The following AK7 variants were observed in gnomAD, a reference collection of about 807,000 sequenced individuals.
The protein encoded by AK7 is adenylate kinase 7, also known as ATP-AMP transphosphorylase 7.
A neutral mutation model predicts 96.6 loss-of-function variants in AK7; 78 were observed. The observed-to-expected ratio is 0.81, with a 90% CI of 0.67 to 0.97. The LOEUF is 0.97. Ranked by LOEUF, AK7 falls within the 50% of genes least tolerant of loss-of-function variation. AK7 has a pLI of 0.00. For missense variants in AK7, 855 were observed against 887.9 expected (o/e 0.96, Z 0.47); for synonymous variants, 302 against 317.2 (o/e 0.95, Z 0.51).
chr14:96,407,878 C>T (rs536570073), intron 3 of AK7, among the ~76,000 whole-genome samples: 2 of 152,136 alleles, frequency 1.3e-5, no homozygotes, highest in East Asian at 3.9e-4. Context: ...CACGCCCGGC[C>T]GATATGTTTC....
chr14:96,425,478 T>A (rs1595397251), intron 5 of AK7, among the ~76,000 whole-genome samples: 1 of 104,036 alleles, frequency 9.6e-6, no homozygotes, highest in East Asian at 3.0e-4. Context: ...TGAGTCACAC[T>A]GATTTTTTTT....
intron 2 of AK7, among the ~76,000 whole-genome samples, chr14:96,401,565 A>G (rs10873471): frequency 0.15 from 22,961 of 152,202 alleles, 2,407 homozygotes; most frequent in East Asian, 0.47. Flanking sequence ...GAGAAAGAGC[A>G]TGGGTTATGG....
chr14:96,478,678 A>AAGGATAATG lies in AK7; in HGVS notation c.1753+17_1753+25dup, dbSNP rs769371698. 2.5e-6 allele frequency: 4 copies of AAGGATAATG among 1,612,004 alleles called. No homozygotes were observed. In the Admixed American group the frequency reaches 6.7e-5, roughly 27 times the overall value. ...ATACATATTGGTATGAAATGAATTC[A>AAGGATAATG]AGGATAATGTGAATGTCCAGGACCC... On this transcript the variant is annotated intron_variant, in intron 15 of 17. Coordinates refer to ENST00000267584, the MANE Select transcript of AK7 (RefSeq NM_152327.5).
chr14:96,468,528 A>G (rs1470740353), intron 12 of AK7, among the ~76,000 whole-genome samples: 1 of 150,514 alleles, frequency 6.6e-6, no homozygotes, highest in Non-Finnish European at 1.5e-5. Flanking sequence ...CAATCTTCTG[A>G]CCTCGTGATC....
Position 96,486,938 on chromosome 14 carries a change from T to G in AK7, c.2015T>G (p.Leu672Ter). 1 of 1,614,022 alleles carries G rather than the reference T, an allele frequency of 6.2e-7. No individual in the cohort carries two copies. Among genetic ancestry groups the G allele is most frequent in the Non-Finnish European group, 8.5e-7 (1 of 1,179,906 alleles). Residue 672 changes from leucine (L) to a stop codon, truncating the protein, a stop_gained, in exon 17 of 18, where the codon TTA becomes TGA. Transcript: ENST00000267584. LOFTEE classifies it high-confidence loss of function. ...GAAGTGAAAAGAGAAGAAAGAGAAT[T>G]ACTGGAGGCTCAGTCAATTCCCCTG... ...LEEVKREERE[L>*]LEAQSIPLRN...
intron 4 of AK7, among the ~76,000 whole-genome samples, chr14:96,411,888 A>G (rs143819438): frequency 1.3e-3 from 202 of 152,318 alleles, no homozygotes; most frequent in African/African-American, 4.5e-3. Context: ...GACATACACA[A>G]TGTCTTACAA....
chr14:96,446,114 A>G (rs985825307), intron 7 of AK7, among the ~76,000 whole-genome samples: 3 of 152,102 alleles, frequency 2.0e-5, no homozygotes, highest in Admixed American at 1.3e-4. Flanking sequence ...ACCTCCCTAA[A>G]GCATTGTTGT....
Position 96,488,320 on chromosome 14 carries a change from A to C in AK7, c.2149A>C (p.Lys717Gln), listed in dbSNP as rs1355352929. ...PVDFLAEYLF[K>Q]NNPEAQ is the part of the protein sequence containing the mutation. The stretch of plus-strand genomic sequence containing the variant: ...TAAATTGTAGGCAGAATATCTCTTC[A>C]AGAACAATCCTGAAGCACAGTGAAA... Residue 717 changes from lysine to glutamine, a missense_variant, in exon 18 of 18, where the codon AAG becomes CAG. Coordinates refer to ENST00000267584, the MANE Select transcript of AK7 (RefSeq NM_152327.5). 6.2e-7 allele frequency: 1 copy of C among 1,612,392 alleles called. No individual in the cohort carries two copies. The highest frequency in any genetic ancestry group is 8.5e-7 in the Non-Finnish European group (1 of 1,178,800).
chr14:96,412,265 T>C (rs868388930), intron 4 of AK7, among the ~76,000 whole-genome samples: 1 of 149,902 alleles, frequency 6.7e-6, no homozygotes, highest in Non-Finnish European at 1.5e-5. Context: ...TCTTACTCTG[T>C]TGTTCAGGCT....
intron 15 of AK7, among the ~76,000 whole-genome samples, chr14:96,479,400 T>TC (rs1260098482): frequency 1.3e-5 from 2 of 151,580 alleles, no homozygotes; most frequent in Non-Finnish European, 2.9e-5. Flanking sequence ...TTTTTTTTTT[T>TC]TAAAGAAATG....
At chr14:96,400,332 G>T (rs111345795) in intron 2 of AK7, among the ~76,000 whole-genome samples, 7 of 152,000 alleles carry the variant, frequency 4.6e-5, no homozygotes, top group African/African-American at 1.5e-4. Flanking sequence ...GAGCCACCAC[G>T]CCCGGCCCAA....
At chr14:96,429,477 A>AT (rs928835282) in intron 5 of AK7, among the ~76,000 whole-genome samples, 49 of 151,976 alleles carry the variant, frequency 3.2e-4, no homozygotes, top group African/African-American at 1.2e-3. Flanking sequence ...ACTTTAAAGT[A>AT]TTTTTTTCCA....
At chr14:96,456,214 G>A (rs1893889169) in intron 10 of AK7, 133 bp from the exon 11 acceptor site, 7 of 989,218 alleles carry the variant, frequency 7.1e-6, no homozygotes, top group South Asian at 3.8e-5. Flanking sequence ...TACAGCCCGA[G>A]CAACAGAGTG....
intron 1 of AK7, among the ~76,000 whole-genome samples, chr14:96,395,848 TG>T (rs1010097244): frequency 1.5e-5 from 2 of 136,680 alleles, no homozygotes. Context: ...AGTCTTGCTC[TG>T]TTGCCAGGCT....
At chr14:96,476,340 T>C (rs1895177184) in intron 14 of AK7, among the ~76,000 whole-genome samples, 1 of 152,036 alleles carries the variant, frequency 6.6e-6, no homozygotes, top group Non-Finnish European at 1.5e-5. Flanking sequence ...ACCCCATCTC[T>C]ACTAAAAATA....
Position 96,442,705 on chromosome 14 carries a change from A to G in AK7, c.691-25A>G, listed in dbSNP as rs1450239849. The G allele has an allele frequency of 6.9e-6, 11 of 1,586,382 alleles. No individual in the cohort carries two copies. The South Asian group carries it at 1.0e-4, about 14-fold the overall frequency. On this transcript the variant is annotated intron_variant, in intron 6 of 17. Coordinates refer to ENST00000267584, the MANE Select transcript of AK7 (RefSeq NM_152327.5). ...AGCCATCCACATATAACTGGGGGAC[A>G]TGATTTTGCTTTTCTTCCTTTCAGA...
intron 5 of AK7, among the ~76,000 whole-genome samples, chr14:96,422,107 G>T (rs1008988093): frequency 2.0e-5 from 3 of 152,346 alleles, no homozygotes; most frequent in Admixed American, 6.5e-5. Context: ...TAAGTTTAGT[G>T]AGGGCAGGGA....
intron 5 of AK7, among the ~76,000 whole-genome samples, chr14:96,430,343 G>A (rs1205763433): frequency 2.0e-5 from 3 of 151,904 alleles, no homozygotes; most frequent in Non-Finnish European, 4.4e-5. Context: ...CCGCCACTAC[G>A]CCTGGCTAAT....
intron 4 of AK7, among the ~76,000 whole-genome samples, chr14:96,415,702 G>A (rs1461426287): frequency 7.1e-6 from 1 of 140,056 alleles, no homozygotes; most frequent in Non-Finnish European, 1.5e-5. Context: ...CAAATGAAGG[G>A]TAAATATTAA....
Sources: allele counts gnomAD v4.1 joint callset (sites outside exome capture counted in the v4.1 genomes callset), GRCh38; gene constraint gnomAD v4.1.1; transcripts MANE v1.5; gene names NCBI Gene and HGNC (gene_info 2026-07-23, HGNC 2026-07-21).